Variants in PUM2 observed in about 807,000 individuals in gnomAD.
PUM2 encodes the protein pumilio RNA binding family member 2.
A neutral mutation model predicts 124.5 loss-of-function variants in PUM2; 57 were observed. The ratio of observed to expected loss-of-function variants is 0.46; its 90% CI spans 0.37 to 0.57. The LOEUF is 0.57. PUM2 is among the 20% of genes least tolerant of loss of function. PUM2 has a pLI of 0.00. For synonymous variants in PUM2, 460 were observed against 446.1 expected, an observed-to-expected ratio of 1.03 and a Z score of -0.39; for missense variants, 1,065 against 1,290.6, an observed-to-expected ratio of 0.83 and a Z score of 2.68.
chr2:20,306,173 C>A (rs908137420), intron 7 of PUM2, among the ~76,000 whole-genome samples: 1 of 152,098 alleles, frequency 6.6e-6, no homozygotes, highest in Admixed American at 6.5e-5. Flanking sequence ...CCACTGCACT[C>A]CAGCCTGGGT....
In PUM2 at chr2:20,336,177, GTTTT is replaced by G. The variant is rs756496316; in HGVS notation, c.-18-8803_-18-8800del. Among the ~76,000 whole-genome samples, 33 of 148,026 alleles carry G rather than the reference GTTTT, an allele frequency of 2.2e-4. No homozygotes were observed. The South Asian group carries it at 2.9e-3, about 13-fold the overall frequency. ...AAACTGTTTACATAACACAAAAAGC[GTTTT>G]TTTGTTTTTTTGTTTGTTTTTTTTT... On this transcript the variant is annotated intron_variant, in intron 1 of 20. Coordinates refer to ENST00000361078, the MANE Select transcript of PUM2 (RefSeq NM_015317.5).
intron 13 of PUM2, among the ~76,000 whole-genome samples, chr2:20,264,777 T>C (rs1212415485): frequency 6.6e-6 from 1 of 152,124 alleles, no homozygotes; most frequent in Non-Finnish European, 1.5e-5. Context: ...AAGGATACAC[T>C]GTCAGTGCAA....
At chr2:20,311,767 A>T in intron 4 of PUM2, 104 bp from the exon 5 acceptor site, 1 of 1,173,186 alleles carries the variant, frequency 8.5e-7, no homozygotes, top group Non-Finnish European at 1.2e-6. Flanking sequence ...AAACAATAAA[A>T]GCATTGAATC....
chr2:20,289,349 A>G (rs542987523), intron 10 of PUM2, among the ~76,000 whole-genome samples: 1 of 152,298 alleles, frequency 6.6e-6, no homozygotes, highest in African/African-American at 2.4e-5. Context: ...ACATATAGCT[A>G]AAACCTAAGA....
intron 12 of PUM2, among the ~76,000 whole-genome samples, chr2:20,279,601 T>A (rs1671027029): frequency 6.6e-6 from 1 of 152,206 alleles, no homozygotes. Flanking sequence ...ACAATTTCTC[T>A]TACTTTACAT....
At position 20,343,093 on chromosome 2, in the gene PUM2, C is replaced by T. The variant is rs116388611; in HGVS notation, c.-19+7504G>A. 2.7e-3 allele frequency among the ~76,000 whole-genome samples: 418 copies of T among 152,036 alleles called. 1 individual carries two copies. The highest frequency in any genetic ancestry group is 9.6e-3 in the African/African-American group (399 of 41,472). Reference sequence around the variant, plus strand: ...CCTCTAGGGTTACAGTAGTGCCACACTATGCCCAGCTAAATTATATATTTT... The same window carrying T: ...CCTCTAGGGTTACAGTAGTGCCACATTATGCCCAGCTAAATTATATATTTT... On this transcript the variant is annotated intron_variant, in intron 1 of 20. Transcript: ENST00000361078.
chr2:20,335,522 C>T (rs1685808521), intron 1 of PUM2, among the ~76,000 whole-genome samples: 1 of 152,274 alleles, frequency 6.6e-6, no homozygotes, highest in South Asian at 2.1e-4. Flanking sequence ...TAAATTGAAT[C>T]ATACAGTTTT....
At chr2:20,256,287 TAA>T in intron 16 of PUM2, 117 bp from the exon 17 acceptor site, 1 of 948,698 alleles carries the variant, frequency 1.1e-6, no homozygotes, top group Non-Finnish European at 1.5e-6. Context: ...ATCTCAGTAT[TAA>T]AAATACTGAG....
intron 7 of PUM2, among the ~76,000 whole-genome samples, chr2:20,301,106 A>T (rs1471674754): frequency 6.6e-6 from 1 of 152,222 alleles, no homozygotes; most frequent in Non-Finnish European, 1.5e-5. Context: ...ATATTGACTG[A>T]TATCTCAAGT....
intron 16 of PUM2, among the ~76,000 whole-genome samples, chr2:20,256,615 A>G (rs999014035): frequency 6.6e-6 from 1 of 152,186 alleles, no homozygotes; most frequent in Non-Finnish European, 1.5e-5. Context: ...TGGCTGAGTG[A>G]GTTTATCAAG....
In PUM2 at chr2:20,307,782, T is replaced by C. The variant is rs138829623; in HGVS notation, c.883+196A>G. Among the ~76,000 whole-genome samples, 31 of 152,386 alleles carry C rather than the reference T, an allele frequency of 2.0e-4. 1 individual carries two copies. In the East Asian group the frequency reaches 5.8e-3, roughly 28 times the overall value. The stretch of plus-strand genomic sequence containing the variant: ...CTTTTATCGAATTACAGATTTTTAT[T>C]TAATTAAACCAGTGATGCAAATAAT... On this transcript the variant is annotated intron_variant, in intron 7 of 20. Transcript: ENST00000361078.
intron 13 of PUM2, among the ~76,000 whole-genome samples, chr2:20,272,454 T>C (rs183118680): frequency 6.6e-6 from 1 of 152,328 alleles, no homozygotes; most frequent in East Asian, 1.9e-4. Flanking sequence ...TCATATACAC[T>C]GGAGTGGCAA....
At chr2:20,261,732 T>C (rs1365275359) in intron 14 of PUM2, among the ~76,000 whole-genome samples, 1 of 152,134 alleles carries the variant, frequency 6.6e-6, no homozygotes, top group Non-Finnish European at 1.5e-5. Flanking sequence ...TCTTAGTTCT[T>C]AACAAAAAGT....
chr2:20,279,907 A>G (rs555260602), intron 12 of PUM2, among the ~76,000 whole-genome samples: 8 of 152,268 alleles, frequency 5.3e-5, no homozygotes, highest in South Asian at 2.1e-4. Flanking sequence ...TTTTAACTGA[A>G]TAACTTTTAC....
chr2:20,294,119 A>G (rs1674911356), intron 9 of PUM2, among the ~76,000 whole-genome samples: 1 of 152,248 alleles, frequency 6.6e-6, no homozygotes, highest in Non-Finnish European at 1.5e-5. Flanking sequence ...GATGAAAAGA[A>G]ATTTAGAAAC....
At chr2:20,341,522 G>GA (rs1441448198) in intron 1 of PUM2, among the ~76,000 whole-genome samples, 1 of 152,152 alleles carries the variant, frequency 6.6e-6, no homozygotes, top group Non-Finnish European at 1.5e-5. Flanking sequence ...TGGGAAGTAC[G>GA]AAAAAATAAA....
intron 20 of PUM2, among the ~76,000 whole-genome samples, chr2:20,252,786 A>G (rs1046683066): frequency 1.3e-5 from 2 of 152,242 alleles, no homozygotes; most frequent in Non-Finnish European, 2.9e-5. Context: ...ATTAGGTTAA[A>G]ATCAATGTTC....
chr2:20,284,943 T>C (rs1196107400), intron 10 of PUM2, among the ~76,000 whole-genome samples: 1 of 152,250 alleles, frequency 6.6e-6, no homozygotes, highest in Non-Finnish European at 1.5e-5. Context: ...TTTCAAACTG[T>C]ACATGCCAGT....
intron 1 of PUM2, among the ~76,000 whole-genome samples, chr2:20,346,736 C>T (rs1688317820): frequency 6.6e-6 from 1 of 152,306 alleles, no homozygotes; most frequent in Admixed American, 6.5e-5. Flanking sequence ...ACCGCCCCGC[C>T]ATGACCACAT....
Sources: gnomAD v4.1 joint callset for allele counts (sites outside exome capture counted in the v4.1 genomes callset) on GRCh38, gnomAD v4.1.1 for gene constraint, MANE v1.5 for transcripts, NCBI Gene and HGNC (gene_info 2026-07-23, HGNC 2026-07-21) for gene names.